Variants in TMPO observed in about 807,000 individuals in gnomAD.
TMPO encodes thymopoietin, also known as LEM domain containing 4.
TMPO carries 22 observed loss-of-function variants against 45.4 expected under a neutral mutation model. That is an observed-to-expected ratio of 0.48 (90% CI 0.35 to 0.69). TMPO has a LOEUF of 0.69. TMPO is among the 30% of genes least tolerant of loss of function. TMPO has a pLI of 0.01. For missense variants in TMPO, 512 were observed against 548.8 expected (o/e 0.93, Z 0.67); for synonymous variants, 241 against 204.1 (o/e 1.18, Z -1.54).
At position 98,533,932 on chromosome 12, in the gene TMPO, G is replaced by GAGTC. The variant is rs765712845; in HGVS notation, c.565+2095_565+2098dup. ...AGGAGGTATTCAAGCAGCCTCCACTGAGTCTTGCAATCAGCAGTTGGACTT... is the reference window on the plus strand; with the variant it reads ...AGGAGGTATTCAAGCAGCCTCCACTGAGTCAGTCTTGCAATCAGCAGTTGGACTT... On this transcript the variant is annotated intron_variant, in intron 3 of 8. Transcript: ENST00000556029. The GAGTC allele has an allele frequency of 1.1e-5, 17 of 1,613,982 alleles. No homozygotes were observed. In the East Asian group the frequency reaches 3.8e-4, roughly 36 times the overall value.
chr12:98,517,398 A>G (rs889692757), intron 1 of TMPO, among the ~76,000 whole-genome samples: 2 of 152,230 alleles, frequency 1.3e-5, no homozygotes, highest in Non-Finnish European at 2.9e-5. Flanking sequence ...TCGTAATAGG[A>G]TGAAGCTAAA....
chr12:98,530,146 T>A (rs911012524), intron 2 of TMPO, among the ~76,000 whole-genome samples: 6 of 151,906 alleles, frequency 3.9e-5, no homozygotes, highest in African/African-American at 1.5e-4. Flanking sequence ...AAGAGCAGCC[T>A]GGACAACATA....
At chr12:98,533,555 G>A (rs1060499573) in intron 3 of TMPO, 1 of 1,614,200 alleles carries the variant, frequency 6.2e-7, no homozygotes, top group East Asian at 2.2e-5. Flanking sequence ...CCTAGACTGA[G>A]TGAGAAGTCA....
chr12:98,547,684 G>T lies in TMPO; in HGVS notation c.1191G>T (p.Leu397Phe). 6.2e-7 allele frequency: 1 copy of T among 1,614,160 alleles called. No homozygotes were observed. Among genetic ancestry groups the T allele is most frequent in the Non-Finnish European group, 8.5e-7 (1 of 1,180,032 alleles). ...AATATGTTCCTAAGTATGTTCCCTTGGCAGATGTCAAGTCAGAAAAGACAA... is the reference window on the plus strand; with the variant it reads ...AATATGTTCCTAAGTATGTTCCCTTTGCAGATGTCAAGTCAGAAAAGACAA... The part of the protein sequence containing the change: ...SSKYVPKYVP[L>F]ADVKSEKTKK... Residue 397 changes from leucine to phenylalanine, a missense_variant, in exon 9 of 9, where the codon TTG becomes TTT. By Grantham distance (22) the Leu-to-Phe change is conservative. Transcript: ENST00000556029.
At position 98,515,619 on chromosome 12, in the gene TMPO, T is replaced by G; in HGVS notation, c.-249T>G. 1 of 649,344 alleles carries G rather than the reference T, an allele frequency of 1.5e-6. No homozygotes were observed. The highest frequency in any genetic ancestry group is 1.9e-5 in the South Asian group (1 of 51,648). 40.2% of individuals were successfully genotyped at this position (649,344 alleles called of 1,614,324 possible). ...CAGGCTGCTCGCCTCCTGCCTGTAG[T>G]GTGTGGGCTGGGGTTGGTGCGAGCT... On this transcript the variant is annotated 5_prime_UTR_variant, in exon 1 of 9. Transcript: ENST00000556029.
intron 1 of TMPO, among the ~76,000 whole-genome samples, chr12:98,525,041 T>C (rs552049599): frequency 6.6e-6 from 1 of 152,364 alleles, no homozygotes; most frequent in South Asian, 2.1e-4. Context: ...CCATGTTTTA[T>C]TTTTATTTTA....
intron 4 of TMPO, among the ~76,000 whole-genome samples, chr12:98,539,511 C>T (rs1283716975): frequency 2.1e-5 from 3 of 141,532 alleles, no homozygotes; most frequent in East Asian, 4.3e-4. Context: ...CTCACTCTGT[C>T]GCCCAGGTTG....
chr12:98,526,957 CA>C (rs71226765), intron 1 of TMPO, among the ~76,000 whole-genome samples: 23 of 142,700 alleles, frequency 1.6e-4, no homozygotes, highest in Admixed American at 2.1e-4. Flanking sequence ...ACTCCACCTC[CA>C]AAAAAAAAAG....
chr12:98,521,100 A>ATTTTTTTTTTTTTTT lies in TMPO; in HGVS notation c.279+4965_279+4979dup, dbSNP rs398044704. ...CTATTTAATCATGGGTTTATGAGGA[A>ATTTTTTTTTTTTTTT]TTTTTTTTTTTTTTTTTTTTTTTTT... is the stretch of plus-strand genomic sequence containing the variant. On this transcript the variant is annotated intron_variant, in intron 1 of 8. Coordinates refer to ENST00000556029, the MANE Select transcript of TMPO (RefSeq NM_001032283.3). Among the ~76,000 whole-genome samples, 661 of 76,748 alleles carry ATTTTTTTTTTTTTTT rather than the reference A, an allele frequency of 8.6e-3. 88 individuals are homozygous for ATTTTTTTTTTTTTTT. The highest frequency in any genetic ancestry group is 0.012 in the Non-Finnish European group (501 of 41,832). The allele number at this position is 76,748 out of a possible 152,430, so 50.3% of individuals were successfully genotyped here.
intron 4 of TMPO, among the ~76,000 whole-genome samples, chr12:98,542,769 A>G (rs968300697): frequency 1.3e-5 from 2 of 152,158 alleles, no homozygotes; most frequent in Non-Finnish European, 2.9e-5. Context: ...GAGGCAGGAG[A>G]ATCACTTGAA....
intron 1 of TMPO, 27 bp downstream of exon 1, chr12:98,516,173 A>G (rs1875785788): frequency 7.5e-7 from 1 of 1,336,770 alleles, no homozygotes; most frequent in South Asian, 2.0e-5. Flanking sequence ...GGGGCTACAA[A>G]GGCGGGCGTT....
intron 1 of TMPO, among the ~76,000 whole-genome samples, chr12:98,521,978 C>A (rs956261465): frequency 6.6e-6 from 1 of 152,082 alleles, no homozygotes; most frequent in Non-Finnish European, 1.5e-5. Flanking sequence ...GATCTGCCCC[C>A]CTTAGCCTCC....
chr12:98,519,978 GA>G (rs1333517887), intron 1 of TMPO, among the ~76,000 whole-genome samples: 2 of 140,690 alleles, frequency 1.4e-5, no homozygotes, highest in East Asian at 4.1e-4. Flanking sequence ...TTCTTTTTTT[GA>G]GATGGAGTCT....
At chr12:98,539,447 C>T (rs1877777300) in intron 4 of TMPO, among the ~76,000 whole-genome samples, 1 of 151,246 alleles carries the variant, frequency 6.6e-6, no homozygotes, top group Non-Finnish European at 1.5e-5. Context: ...TTCATCACCC[C>T]ACACCCTCCA....
rs1875762344 is a variant in TMPO at position 98,516,036 on chromosome 12, A to G, written c.169A>G (p.Thr57Ala). The change falls in exon 1 of 9, where the codon ACC (threonine) becomes GCC (alanine). Residue 57 changes from threonine (T) to alanine (A), a missense_variant. Around this residue, in one of 3 missense-constraint regions of TMPO, gnomAD observed 299 missense variants for 296.7 expected, o/e 1.01. Transcript: ENST00000556029. ...ARNRPPLPAG[T>A]NSKGPPDFSS... ...CAACCGGCCGCCGCTCCCCGCCGGC[A>G]CCAACAGCAAGGGGCCCCCGGACTT... The G allele has an allele frequency of 6.2e-7, 1 of 1,611,520 alleles. No homozygotes were observed. Among genetic ancestry groups the G allele is most frequent in the Non-Finnish European group, 8.5e-7 (1 of 1,179,538 alleles).
intron 2 of TMPO, among the ~76,000 whole-genome samples, chr12:98,530,765 G>A: frequency 6.6e-6 from 1 of 152,108 alleles, no homozygotes; most frequent in East Asian, 1.9e-4. Context: ...ATTTTTCATA[G>A]AGGTACAATC....
rs183705257 is a variant in TMPO at position 98,537,073 on chromosome 12, C to T, written c.566-402C>T. ...ATTTAGTAAGTCAACCTTTGCTGTA[C>T]AGTAGTAGTATACTGTATGGACAAA... On this transcript the variant is annotated intron_variant, in intron 3 of 8. Transcript: ENST00000556029. 1.6e-4 allele frequency among the ~76,000 whole-genome samples: 24 copies of T among 152,242 alleles called. No individual in the cohort carries two copies. In the East Asian group the frequency reaches 3.9e-3, roughly 24 times the overall value.
chr12:98,531,942 C>CGAATA, intron 3 of TMPO, 104 bp downstream of exon 3: 1 of 916,254 alleles, frequency 1.1e-6, no homozygotes, highest in Non-Finnish European at 1.7e-6. Context: ...GCAAGATACA[C>CGAATA]AAATTTTATT....
Position 98,547,907 on chromosome 12 carries a change from G to A in TMPO, c.*49G>A. 3 of 1,591,194 alleles carry A rather than the reference G, an allele frequency of 1.9e-6. No homozygotes were observed. The highest frequency in any genetic ancestry group is 2.6e-6 in the Non-Finnish European group (3 of 1,162,502). On this transcript the variant is annotated 3_prime_UTR_variant, in exon 9 of 9. Transcript: ENST00000556029. ...ACTTGGTCTCCTATTTTCAATAACT[G>A]TTGAAAAACATTTGTGTACACTTGT...
Sources: allele counts gnomAD v4.1 joint callset (sites outside exome capture counted in the v4.1 genomes callset), GRCh38; gene constraint gnomAD v4.1.1; regional missense constraint gnomAD v4.1.1; transcripts MANE v1.5; gene names NCBI Gene and HGNC (gene_info 2026-07-23, HGNC 2026-07-21).